Variants in PCDHGB6 observed in about 807,000 individuals in gnomAD.
PCDHGB6 encodes protocadherin gamma subfamily B, 6.
PCDHGB6 carries 51 observed loss-of-function variants against 59.1 expected under a neutral mutation model. The observed-to-expected ratio is 0.86, with a 90% confidence interval of 0.69 to 1.09. PCDHGB6 has a LOEUF of 1.09. Among genes scored for constraint, PCDHGB6 ranks in the 50% least tolerant of loss-of-function variants. The probability of loss-of-function intolerance (pLI) is 0.00; values close to 1 mark genes in which losing one functional copy is unlikely to be tolerated. For synonymous variants in PCDHGB6, 466 were observed against 495.1 expected (o/e 0.94, Z 0.78); for missense variants, 1,148 against 1,205.1 (o/e 0.95, Z 0.70).
chr5:141,458,609 A>T (rs1037852455), intron 1 of PCDHGB6, among the ~76,000 whole-genome samples: 1 of 152,004 alleles, frequency 6.6e-6, no homozygotes, highest in Non-Finnish European at 1.5e-5. Flanking sequence ...TCACTCTGTC[A>T]GCCAGGCTGG....
chr5:141,508,091 GCCC>G (rs2099866180), intron 3 of PCDHGB6: 1 of 152,482 alleles, frequency 6.6e-6, no homozygotes, highest in Non-Finnish European at 1.5e-5. Flanking sequence ...TGCTGCCTTG[GCCC>G]TGGGATGGGG....
intron 1 of PCDHGB6, among the ~76,000 whole-genome samples, chr5:141,469,414 A>C (rs1455286338): frequency 1.3e-5 from 2 of 152,118 alleles, no homozygotes; most frequent in Non-Finnish European, 2.9e-5. Flanking sequence ...GTTTCTACTA[A>C]AAATATAAAA....
intron 1 of PCDHGB6, among the ~76,000 whole-genome samples, chr5:141,437,421 T>G (rs971034611): frequency 1.2e-4 from 19 of 152,238 alleles, no homozygotes; most frequent in African/African-American, 4.6e-4. Flanking sequence ...TTATGCTTTT[T>G]GAAGCAGCAA....
intron 3 of PCDHGB6, among the ~76,000 whole-genome samples, chr5:141,509,050 C>T (rs867585045): frequency 1.6e-4 from 25 of 152,304 alleles, no homozygotes; most frequent in Admixed American, 5.2e-4. Flanking sequence ...CCCCCGCCCC[C>T]AGAAAGCTCT....
Position 141,409,547 on chromosome 5 carries a change from G to A in PCDHGB6, c.1345G>A (p.Ala449Thr), listed in dbSNP as rs760802690. The change falls in exon 1 of 4, where the codon GCC becomes ACC. Residue 449 changes from alanine (A) to threonine (T), a missense_variant. Coordinates refer to ENST00000520790, the MANE Select transcript of PCDHGB6 (RefSeq NM_018926.3). ...TLYVADINDN[A>T]PVFDQTSYVV... ...GTATGTCGCTGACATCAACGACAAC[G>A]CCCCAGTTTTCGACCAGACGTCCTA... The A allele has an allele frequency of 1.2e-6, 2 of 1,613,936 alleles. No homozygotes were observed. Among genetic ancestry groups the A allele is most frequent in the Non-Finnish European group, 1.7e-6 (2 of 1,179,892 alleles).
chr5:141,457,233 T>G (rs1038193595), intron 1 of PCDHGB6, among the ~76,000 whole-genome samples: 9 of 152,208 alleles, frequency 5.9e-5, no homozygotes, highest in African/African-American at 2.2e-4. Flanking sequence ...AATTTCCATC[T>G]AAAATTTTAC....
At chr5:141,478,305 C>G in intron 1 of PCDHGB6, 1 of 1,614,092 alleles carries the variant, frequency 6.2e-7, no homozygotes, top group Non-Finnish European at 8.5e-7. Context: ...TACCGAGCCC[C>G]GGTGAGCTCA....
chr5:141,440,563 T>C (rs1048420758), intron 1 of PCDHGB6: 3 of 152,250 alleles, frequency 2.0e-5, no homozygotes, highest in Admixed American at 6.5e-5. Flanking sequence ...TTAAGTTACG[T>C]ATCTCTGAGT....
In PCDHGB6 at chr5:141,491,958, A is replaced by C; in HGVS notation, c.2419-2849A>C. The C allele has an allele frequency of 2.0e-6, 2 of 999,758 alleles. No homozygotes were observed. Among genetic ancestry groups the C allele is most frequent in the Non-Finnish European group, 2.8e-6 (2 of 718,534 alleles). The allele number at this position is 999,758 out of a possible 1,614,324, so 61.9% of individuals were successfully genotyped here. The stretch of plus-strand genomic sequence containing the variant: ...ACCGACCCCCACCCCTACACTCAAA[A>C]AAGGCCGGGGCCTCCTTCGAGCTTC... On this transcript the variant is annotated intron_variant, in intron 1 of 3. Coordinates refer to ENST00000520790, the MANE Select transcript of PCDHGB6 (RefSeq NM_018926.3). The surrounding 1 kb of genome is among the most constrained non-coding windows in gnomAD (Gnocchi z 6.9).
At chr5:141,468,402 T>A (rs2154569909) in intron 1 of PCDHGB6, 1 of 150,014 alleles carries the variant, frequency 6.7e-6, no homozygotes, top group East Asian at 2.0e-4. Context: ...TGGTGAGAAC[T>A]AATAATAAGT....
At chr5:141,418,185 T>C in intron 1 of PCDHGB6, 1 of 1,614,058 alleles carries the variant, frequency 6.2e-7, no homozygotes, top group Non-Finnish European at 8.5e-7. Flanking sequence ...TTGGAAGCTG[T>C]GGTGGAAAAT....
chr5:141,467,764 TGCCCGCACCTCA>T (rs544344217), intron 1 of PCDHGB6, among the ~76,000 whole-genome samples: 90 of 152,158 alleles, frequency 5.9e-4, no homozygotes, highest in South Asian at 1.0e-3. Context: ...CATGCTCAAG[TGCCCGCACCTCA>T]GCCTCTCAAG....
chr5:141,410,719 A>G, intron 1 of PCDHGB6, 99 bp downstream of exon 1: 3 of 1,407,980 alleles, frequency 2.1e-6, no homozygotes, highest in Non-Finnish European at 2.9e-6. Context: ...TCATATGTTT[A>G]AAATCCATAG....
At chr5:141,418,891 C>T in intron 1 of PCDHGB6, 2 of 1,613,842 alleles carry the variant, frequency 1.2e-6, no homozygotes, top group South Asian at 2.2e-5. Flanking sequence ...ACGACAACAG[C>T]CCAGAAATAA....
In PCDHGB6 at chr5:141,511,236, C is replaced by T; in HGVS notation, c.*63C>T. 4 of 1,591,606 alleles carry T rather than the reference C, an allele frequency of 2.5e-6. No individual in the cohort carries two copies. Among genetic ancestry groups the T allele is most frequent in the Admixed American group, 3.6e-5 (2 of 56,022 alleles). ...CCCAACCAGCCCAGCTTCTCCTTAC[C>T]TGCACCCAGGCCTCAGAGTTTCAGG... On this transcript the variant is annotated 3_prime_UTR_variant, in exon 4 of 4. Transcript: ENST00000520790.
chr5:141,505,794 G>A (rs1423502957), intron 3 of PCDHGB6, among the ~76,000 whole-genome samples: 1 of 152,142 alleles, frequency 6.6e-6, no homozygotes, highest in East Asian at 1.9e-4. Context: ...CTATCCTTGG[G>A]ACTTGGATCG....
chr5:141,478,382 C>A (rs1287807889), intron 1 of PCDHGB6: 2 of 1,613,552 alleles, frequency 1.2e-6, no homozygotes, highest in South Asian at 2.2e-5. Flanking sequence ...GTCGCCGCAC[C>A]TTTACCATCA....
At position 141,501,332 on chromosome 5, in the gene PCDHGB6, CA is replaced by C. The variant is rs1257793029; in HGVS notation, c.2478-4060del. 1.8e-3 allele frequency among the ~76,000 whole-genome samples: 265 copies of C among 149,784 alleles called. 1 individual carries two copies. The highest frequency in any genetic ancestry group is 5.2e-3 in the African/African-American group (209 of 40,512). On this transcript the variant is annotated intron_variant, in intron 2 of 3. Transcript: ENST00000520790. Reference sequence around the variant, plus strand: ...ACACACACACACACACACACACACACACCCCAAACTCAATAGGGCAAGAACC... The same window carrying C: ...ACACACACACACACACACACACACACCCCCAAACTCAATAGGGCAAGAACC...
At chr5:141,450,627 C>G (rs947866993) in intron 1 of PCDHGB6, among the ~76,000 whole-genome samples, 1 of 151,592 alleles carries the variant, frequency 6.6e-6, no homozygotes, top group African/African-American at 2.4e-5. Context: ...GCTGGGATTA[C>G]AGATGCCTGC....
Sources: gnomAD v4.1 joint callset for allele counts (sites outside exome capture counted in the v4.1 genomes callset) on GRCh38, gnomAD v4.1.1 for gene constraint, Gnocchi (gnomAD v3.1) non-coding constraint, MANE v1.5 for transcripts, NCBI Gene and HGNC (gene_info 2026-07-23, HGNC 2026-07-21) for gene names.